POC1B: variants seen among roughly 807,000 people sequenced by gnomAD.
The protein encoded by POC1B is POC1 centriolar protein homolog B.
POC1B carries 44 observed loss-of-function variants against 60.6 expected under a neutral mutation model. The ratio of observed to expected loss-of-function variants is 0.73; its 90% CI spans 0.57 to 0.93. The LOEUF is 0.93. Among genes scored for constraint, POC1B ranks in the 40% least tolerant of loss-of-function variants. The probability of loss-of-function intolerance (pLI) is 0.00; values close to 1 mark genes in which losing one functional copy is unlikely to be tolerated. For missense variants in POC1B, 555 were observed against 572.3 expected (o/e 0.97, Z 0.31); for synonymous variants, 180 against 198.9 (o/e 0.90, Z 0.80).
At chr12:89,522,021 ATAACT>A (rs1379603472) in intron 2 of POC1B, 3 of 399,036 alleles carry the variant, frequency 7.5e-6, no homozygotes, top group Non-Finnish European at 1.3e-5. Context: ...TAGTACATTC[ATAACT>A]TAAGGAAGTG....
At chr12:89,523,514 A>C in intron 2 of POC1B, 1 of 1,610,986 alleles carries the variant, frequency 6.2e-7, no homozygotes, top group African/African-American at 1.3e-5. Context: ...CCACACTGCC[A>C]CACCCTAAAA....
At chr12:89,492,536 A>T in intron 3 of POC1B, among the ~76,000 whole-genome samples, 1 of 152,150 alleles carries the variant, frequency 6.6e-6, no homozygotes, top group East Asian at 1.9e-4. Context: ...CATTTAGAAA[A>T]TCATATTGAT....
intron 10 of POC1B, among the ~76,000 whole-genome samples, chr12:89,445,398 C>A (rs530994379): frequency 4.4e-4 from 67 of 152,172 alleles, no homozygotes; most frequent in African/African-American, 1.5e-3. Flanking sequence ...GGTACTGGTA[C>A]CAAAATGAAG....
At chr12:89,439,451 C>T (rs74720952) in intron 10 of POC1B, among the ~76,000 whole-genome samples, 1,809 of 152,290 alleles carry the variant, frequency 0.012, 35 homozygotes, top group African/African-American at 0.041. Context: ...AATGCACACA[C>T]AAATCACCTG....
chr12:89,410,155 T>G, the POC1B span, among the ~76,000 whole-genome samples: 1 of 152,204 alleles, frequency 6.6e-6, no homozygotes, highest in African/African-American at 2.4e-5. Context: ...CTCAACATAT[T>G]CAAATCAATA....
chr12:89,470,567 TAGCAATAGGTTGTAAACAAG>T, intron 6 of POC1B, 73 bp from the exon 7 acceptor site: 1 of 1,256,526 alleles, frequency 8.0e-7, no homozygotes, highest in Non-Finnish European at 1.1e-6. Flanking sequence ...AGTGCCTTAT[TAGCAATAGGTTGTAAACAAG>T]AGCACTGTTT....
At chr12:89,491,854 AAACCC>A in intron 4 of POC1B, 77 bp downstream of exon 4, 1 of 1,228,876 alleles carries the variant, frequency 8.1e-7, no homozygotes, top group East Asian at 2.5e-5. Context: ...ATATGTCCTC[AAACCC>A]TTTTTCTGGA....
At chr12:89,482,641 T>A (rs1257237715) in intron 4 of POC1B, among the ~76,000 whole-genome samples, 1 of 152,128 alleles carries the variant, frequency 6.6e-6, no homozygotes, top group Non-Finnish European at 1.5e-5. Flanking sequence ...AAATGCAAAC[T>A]AAAAGACAAT....
chr12:89,417,993 C>A (rs553669750), downstream of POC1B, among the ~76,000 whole-genome samples: 2 of 152,150 alleles, frequency 1.3e-5, no homozygotes. Context: ...AACTGGAAAC[C>A]GTTCTCAGCT....
rs373603504 is a variant in POC1B at position 89,491,864 on chromosome 12, T to C, written c.452+72A>G. 23 of 1,295,772 alleles carry C rather than the reference T, an allele frequency of 1.8e-5. No homozygotes were observed. In the African/African-American group the frequency reaches 3.3e-4, roughly 18 times the overall value. 80.3% of individuals were successfully genotyped at this position (1,295,772 alleles called of 1,614,324 possible). A position where few individuals can be genotyped will look rare whatever the true frequency, so the allele number is the denominator to read the frequency against. ...AATGAATATGTCCTCAAACCCTTTT[T>C]CTGGAAGTTGGGGGCAAACATGAAG... On this transcript the variant is annotated intron_variant, in intron 4 of 11. Coordinates refer to ENST00000313546, the MANE Select transcript of POC1B (RefSeq NM_172240.3).
intron 6 of POC1B, among the ~76,000 whole-genome samples, chr12:89,471,263 AC>A (rs1882880411): frequency 6.6e-6 from 1 of 152,204 alleles, no homozygotes; most frequent in Admixed American, 6.5e-5. Context: ...GTTGTTTTCT[AC>A]CAGTTATAAC....
intron 10 of POC1B, among the ~76,000 whole-genome samples, chr12:89,438,574 C>T (rs1431095966): frequency 1.3e-5 from 2 of 152,246 alleles, no homozygotes; most frequent in East Asian, 1.9e-4. Flanking sequence ...CTGACTCCAT[C>T]GTCCTCTTGA....
intron 2 of POC1B, among the ~76,000 whole-genome samples, chr12:89,504,570 C>T (rs1869802135): frequency 6.6e-6 from 1 of 150,512 alleles, no homozygotes; most frequent in Non-Finnish European, 1.5e-5. Flanking sequence ...TGCCAAATCC[C>T]TCTCTGCAAG....
At chr12:89,520,543 T>C (rs1476281486) in intron 2 of POC1B, 17 of 152,218 alleles carry the variant, frequency 1.1e-4, no homozygotes, top group Admixed American at 1.1e-3. Flanking sequence ...GGGCCAAGCA[T>C]GCTGCACGTG....
At chr12:89,440,055 C>T (rs1881446755) in intron 10 of POC1B, among the ~76,000 whole-genome samples, 1 of 152,162 alleles carries the variant, frequency 6.6e-6, no homozygotes, top group Non-Finnish European at 1.5e-5. Context: ...CACATGCATC[C>T]CCCATCCCCA....
intron 4 of POC1B, among the ~76,000 whole-genome samples, chr12:89,476,759 T>TAGACAGACAGACAGACAGACAGAC (rs1167476204): frequency 6.8e-5 from 4 of 58,580 alleles, no homozygotes; most frequent in Middle Eastern, 8.9e-3. Flanking sequence ...GATAGATAGA[T>TAGACAGACAGACAGACAGACAGAC]AGACAGACAG....
chr12:89,524,821 G>A, intron 2 of POC1B: 2 of 612,978 alleles, frequency 3.3e-6, no homozygotes, highest in African/African-American at 1.9e-5. Context: ...CACCCTCCCC[G>A]GGCCGAGGAG....
chr12:89,459,407 T>TAA (rs10535587), intron 10 of POC1B, among the ~76,000 whole-genome samples: 150 of 102,406 alleles, frequency 1.5e-3, no homozygotes, highest in African/African-American at 4.1e-3. Flanking sequence ...ACTTAAAGTA[T>TAA]AAAAAAAAAA....
At chr12:89,447,169 A>G (rs961428515) in intron 10 of POC1B, among the ~76,000 whole-genome samples, 5 of 152,150 alleles carry the variant, frequency 3.3e-5, no homozygotes, top group Non-Finnish European at 7.4e-5. Flanking sequence ...TAAAATCAAA[A>G]TTATTTTTCT....
Sources: gnomAD v4.1 joint callset for allele counts (sites outside exome capture counted in the v4.1 genomes callset) on GRCh38, gnomAD v4.1.1 for gene constraint, MANE v1.5 for transcripts, NCBI Gene and HGNC (gene_info 2026-07-23, HGNC 2026-07-21) for gene names.